Variants in TMEM132C observed in about 807,000 individuals in gnomAD.
TMEM132C encodes the protein transmembrane protein 132C.
In TMEM132C, 29 loss-of-function variants were observed where a neutral mutation model predicts 61.4. The observed-to-expected ratio is 0.47, with a 90% confidence interval of 0.35 to 0.64. The LOEUF is 0.64. Among genes scored for constraint, TMEM132C ranks in the 30% least tolerant of loss-of-function variants. The pLI, the probability that TMEM132C is intolerant of heterozygous loss-of-function variation, is 0.00. For missense variants in TMEM132C, 1,408 were observed against 1,476.9 expected, an observed-to-expected ratio of 0.95 and a Z score of 0.76; for synonymous variants, 656 against 633.1, an observed-to-expected ratio of 1.04 and a Z score of -0.54.
intron 3 of TMEM132C, among the ~76,000 whole-genome samples, chr12:128,573,317 C>T (rs1008827363): frequency 6.6e-6 from 1 of 152,026 alleles, no homozygotes; most frequent in African/African-American, 2.4e-5. Flanking sequence ...ATGGATGAAG[C>T]TGGAAACCAT....
At chr12:128,355,794 C>G (rs964249771) in intron 1 of TMEM132C, among the ~76,000 whole-genome samples, 2 of 152,032 alleles carry the variant, frequency 1.3e-5, no homozygotes. Flanking sequence ...TGCTCCCCTC[C>G]CACATCTGCA....
chr12:128,410,476 C>G (rs1868497833), intron 1 of TMEM132C, among the ~76,000 whole-genome samples: 1 of 152,158 alleles, frequency 6.6e-6, no homozygotes, highest in Non-Finnish European at 1.5e-5. Flanking sequence ...GCTCTCGGCT[C>G]ACTGCAACCT....
intron 4 of TMEM132C, among the ~76,000 whole-genome samples, chr12:128,638,748 A>G (rs1954121359): frequency 6.6e-6 from 1 of 152,186 alleles, no homozygotes; most frequent in South Asian, 2.1e-4. Flanking sequence ...TGATAATGGC[A>G]TTGATGATAG....
intron 4 of TMEM132C, among the ~76,000 whole-genome samples, chr12:128,657,158 G>A (rs558779813): frequency 5.7e-4 from 87 of 152,192 alleles, no homozygotes; most frequent in African/African-American, 2.0e-3. Flanking sequence ...CCGTGATTTT[G>A]GCCAAACATT....
chr12:128,403,782 C>T (rs1200296472), intron 1 of TMEM132C, among the ~76,000 whole-genome samples: 5 of 152,202 alleles, frequency 3.3e-5, no homozygotes, highest in Non-Finnish European at 7.4e-5. Context: ...CGTGTCACTC[C>T]ATGAACTCCT....
At chr12:128,412,834 G>A (rs1868608350) in intron 1 of TMEM132C, among the ~76,000 whole-genome samples, 1 of 152,110 alleles carries the variant, frequency 6.6e-6, no homozygotes, top group Non-Finnish European at 1.5e-5. Context: ...TCTGCACCAT[G>A]CTTTTTCACT....
chr12:128,316,601 A>T (rs920441582), intron 1 of TMEM132C, among the ~76,000 whole-genome samples: 1 of 152,226 alleles, frequency 6.6e-6, no homozygotes, highest in African/African-American at 2.4e-5. Flanking sequence ...TGTCACAGAC[A>T]TGCAAAGACC....
intron 2 of TMEM132C, among the ~76,000 whole-genome samples, chr12:128,480,683 A>G (rs1402316780): frequency 6.6e-6 from 1 of 152,170 alleles, no homozygotes; most frequent in African/African-American, 2.4e-5. Flanking sequence ...ACTTACTAGC[A>G]TTTAGGGTAC....
At chr12:128,533,396 C>T (rs1204652186) in intron 2 of TMEM132C, among the ~76,000 whole-genome samples, 1 of 152,102 alleles carries the variant, frequency 6.6e-6, no homozygotes, top group East Asian at 1.9e-4. Flanking sequence ...CAACTGTATC[C>T]ATTTTCTAGG....
intron 1 of TMEM132C, among the ~76,000 whole-genome samples, chr12:128,272,010 T>A (rs76338426): frequency 6.6e-6 from 1 of 152,380 alleles, no homozygotes; most frequent in East Asian, 1.9e-4. Flanking sequence ...TTTACAGCCA[T>A]CTACTTTGTT....
At chr12:128,620,784 C>T (rs1469109414) in intron 4 of TMEM132C, among the ~76,000 whole-genome samples, 1 of 151,834 alleles carries the variant, frequency 6.6e-6, no homozygotes, top group Non-Finnish European at 1.5e-5. Context: ...TAAAACATGA[C>T]AGTAACTTGG....
At chr12:128,622,214 C>A (rs113990256) in intron 4 of TMEM132C, among the ~76,000 whole-genome samples, 160 of 150,702 alleles carry the variant, frequency 1.1e-3, no homozygotes, top group African/African-American at 3.5e-3. Flanking sequence ...CATGGCAGCA[C>A]GTGCCTGTAT....
intron 2 of TMEM132C, among the ~76,000 whole-genome samples, chr12:128,457,810 C>A (rs79213045): frequency 0.039 from 5,872 of 152,070 alleles, 368 homozygotes; most frequent in African/African-American, 0.13. Context: ...CATTTTCTGC[C>A]TACCTCTAAT....
chr12:128,279,664 T>A (rs1000228657), intron 1 of TMEM132C, among the ~76,000 whole-genome samples: 1 of 152,186 alleles, frequency 6.6e-6, no homozygotes, highest in Non-Finnish European at 1.5e-5. Context: ...AACTTCTAGA[T>A]ACCCTCATGA....
intron 1 of TMEM132C, among the ~76,000 whole-genome samples, chr12:128,323,587 A>G (rs1481192034): frequency 2.0e-5 from 3 of 152,206 alleles, no homozygotes; most frequent in Non-Finnish European, 4.4e-5. Context: ...GTGTGGAATT[A>G]GATTACTGAT....
chr12:128,589,333 T>G (rs73161914), intron 3 of TMEM132C, among the ~76,000 whole-genome samples: 11,200 of 152,164 alleles, frequency 0.074, 580 homozygotes, highest in Non-Finnish European at 0.11. Flanking sequence ...ATCAGACTTT[T>G]CTGCAGCCTG....
chr12:128,342,243 G>A (rs138065807), intron 1 of TMEM132C, among the ~76,000 whole-genome samples: 2,907 of 152,028 alleles, frequency 0.019, 82 homozygotes, highest in African/African-American at 0.067. Context: ...TCCTGACCTC[G>A]TGATCTGCCC....
intron 2 of TMEM132C, among the ~76,000 whole-genome samples, chr12:128,533,667 C>T (rs193097371): frequency 1.4e-4 from 21 of 152,206 alleles, no homozygotes; most frequent in African/African-American, 4.8e-4. Flanking sequence ...AGACTAATGA[C>T]CTCCATTTTA....
chr12:128,635,297 G>A (rs1409135979), intron 4 of TMEM132C, among the ~76,000 whole-genome samples: 2 of 152,162 alleles, frequency 1.3e-5, no homozygotes, highest in African/African-American at 2.4e-5. Flanking sequence ...CACCAAAGCC[G>A]AAGTCCCTGC....
Sources: allele counts gnomAD v4.1 joint callset (sites outside exome capture counted in the v4.1 genomes callset), GRCh38; gene constraint gnomAD v4.1.1; transcripts MANE v1.5; gene names NCBI Gene and HGNC (gene_info 2026-07-23, HGNC 2026-07-21).